Variants in ANK3 observed in about 807,000 individuals in gnomAD.
The protein encoded by ANK3 is ankyrin-3.
A neutral mutation model predicts 370.9 loss-of-function variants in ANK3; 57 were observed. The ratio of observed to expected loss-of-function variants is 0.15; its 90% confidence interval spans 0.12 to 0.19. The LOEUF (loss-of-function observed/expected upper bound fraction) is 0.19. Among genes scored for constraint, ANK3 ranks in the 10% least tolerant of loss-of-function variants. The pLI is 1.00. For missense variants in ANK3, 4,439 were observed against 5,302.1 expected (o/e 0.84, Z 5.06); for synonymous variants, 1,929 against 1,946.3 (o/e 0.99, Z 0.23).
chr10:60,091,713 GA>G (rs1208379461), intron 28 of ANK3, among the ~76,000 whole-genome samples: 1 of 150,988 alleles, frequency 6.6e-6, no homozygotes, highest in Non-Finnish European at 1.5e-5. Flanking sequence ...CTTTATAGGG[GA>G]AAATGTAATC....
intron 1 of ANK3, among the ~76,000 whole-genome samples, chr10:60,323,299 T>G (rs754366795): frequency 1.1e-4 from 16 of 152,158 alleles, no homozygotes; most frequent in Non-Finnish European, 2.4e-4. Context: ...TTAGCTCCCA[T>G]CAGTCACTGG....
intron 43 of ANK3, among the ~76,000 whole-genome samples, chr10:60,040,771 A>T (rs578080796): frequency 6.6e-6 from 1 of 152,184 alleles, no homozygotes; most frequent in African/African-American, 2.4e-5. Context: ...GGTGTAGGTA[A>T]CCCTTTTGGT....
intron 1 of ANK3, chr10:60,684,733 G>T: frequency 6.3e-7 from 1 of 1,584,502 alleles, no homozygotes; most frequent in South Asian, 1.1e-5. Context: ...CGGGGATGTA[G>T]GTGGTCAGGA....
intron 1 of ANK3, among the ~76,000 whole-genome samples, chr10:60,690,633 T>G (rs2079338663): frequency 6.6e-6 from 1 of 152,186 alleles, no homozygotes; most frequent in African/African-American, 2.4e-5. Flanking sequence ...TTCAGCATTT[T>G]TAAAATATGC....
chr10:60,599,763 T>A (rs1330005226), intron 2 of ANK3, among the ~76,000 whole-genome samples: 1 of 152,160 alleles, frequency 6.6e-6, no homozygotes, highest in African/African-American at 2.4e-5. Context: ...TTAAAACTCA[T>A]GTCCCTCTCC....
intron 40 of ANK3, chr10:60,061,896 T>TA (rs2080559081): frequency 6.6e-6 from 1 of 152,192 alleles, no homozygotes; most frequent in Non-Finnish European, 1.5e-5. Context: ...CTTTGCCAGT[T>TA]TAAAAATGGA....
intron 40 of ANK3, 46 bp downstream of exon 40, chr10:60,063,065 A>C: frequency 6.4e-7 from 1 of 1,570,040 alleles, no homozygotes; most frequent in Non-Finnish European, 8.6e-7. Flanking sequence ...TGCACTTTCA[A>C]ATTTTATCAA....
chr10:60,323,821 G>A (rs2049192907), intron 1 of ANK3, among the ~76,000 whole-genome samples: 1 of 152,192 alleles, frequency 6.6e-6, no homozygotes, highest in African/African-American at 2.4e-5. Flanking sequence ...TGAAGAACAT[G>A]TTTCAAAGAG....
chr10:60,703,527 C>T (rs1269488551), intron 1 of ANK3, among the ~76,000 whole-genome samples: 2 of 152,090 alleles, frequency 1.3e-5, no homozygotes, highest in African/African-American at 4.8e-5. Flanking sequence ...TCAACCACAG[C>T]GTTTGGTTTC....
At chr10:60,691,513 G>T (rs896674791) in intron 1 of ANK3, among the ~76,000 whole-genome samples, 1 of 152,068 alleles carries the variant, frequency 6.6e-6, no homozygotes, top group Admixed American at 6.5e-5. Context: ...TCCACTAAAC[G>T]TTTGCCACTT....
At chr10:60,458,823 T>G (rs769245855) in intron 2 of ANK3, among the ~76,000 whole-genome samples, 2 of 152,122 alleles carry the variant, frequency 1.3e-5, no homozygotes, top group Non-Finnish European at 2.9e-5. Context: ...GATGGGGTCA[T>G]GCTTGAGGGT....
intron 2 of ANK3, among the ~76,000 whole-genome samples, chr10:60,555,355 C>T (rs906548568): frequency 2.6e-5 from 4 of 151,978 alleles, no homozygotes; most frequent in African/African-American, 7.3e-5. Flanking sequence ...TACCTTTAGT[C>T]TCAGCTACTC....
intron 2 of ANK3, among the ~76,000 whole-genome samples, chr10:60,537,450 C>T (rs2076749528): frequency 6.6e-6 from 1 of 151,720 alleles, no homozygotes; most frequent in African/African-American, 2.4e-5. Context: ...AACCTCAAAC[C>T]ATCACATCAT....
At chr10:60,240,135 T>C (rs200998006) in intron 7 of ANK3, among the ~76,000 whole-genome samples, 4 of 122,382 alleles carry the variant, frequency 3.3e-5, no homozygotes, top group African/African-American at 6.5e-5. Flanking sequence ...TATATATACA[T>C]ATATATACAC....
At chr10:60,598,667 T>C (rs903590398) in intron 2 of ANK3, among the ~76,000 whole-genome samples, 3 of 152,176 alleles carry the variant, frequency 2.0e-5, no homozygotes, top group Non-Finnish European at 4.4e-5. Flanking sequence ...TGCATGAAAG[T>C]AACGGTACAA....
intron 42 of ANK3, among the ~76,000 whole-genome samples, chr10:60,046,106 G>A (rs578232144): frequency 2.0e-5 from 3 of 152,268 alleles, no homozygotes; most frequent in African/African-American, 4.8e-5. Flanking sequence ...TTGAATCAGC[G>A]CAGTGAAGAG....
intron 1 of ANK3, among the ~76,000 whole-genome samples, chr10:60,366,056 C>A (rs77560928): frequency 0.087 from 13,235 of 152,194 alleles, 718 homozygotes; most frequent in South Asian, 0.13. Flanking sequence ...AATATTAGGC[C>A]AGGCATGGTG....
At chr10:60,135,906 A>G (rs1313754291) in intron 24 of ANK3, among the ~76,000 whole-genome samples, 2 of 152,052 alleles carry the variant, frequency 1.3e-5, no homozygotes, top group Non-Finnish European at 2.9e-5. Flanking sequence ...AGAATCTCAG[A>G]TGGACCTCTC....
intron 43 of ANK3, among the ~76,000 whole-genome samples, chr10:60,035,780 G>A (rs750385715): frequency 4.6e-5 from 7 of 151,082 alleles, no homozygotes; most frequent in Admixed American, 6.6e-5. Context: ...ACCTGAGGTC[G>A]GGAGTTTGAG....
Sources: allele counts gnomAD v4.1 joint callset (sites outside exome capture counted in the v4.1 genomes callset), GRCh38; gene constraint gnomAD v4.1.1; transcripts MANE v1.5; gene names NCBI Gene and HGNC (gene_info 2026-07-23, HGNC 2026-07-21).